SPAG16: variants seen among roughly 807,000 people sequenced by gnomAD.
SPAG16 encodes sperm-associated antigen 16 protein.
In SPAG16, 86 loss-of-function variants were observed where a neutral mutation model predicts 80.4. The observed-to-expected ratio is 1.07, with a 90% CI of 0.90 to 1.28. SPAG16 has a LOEUF of 1.28. Among genes scored for constraint, SPAG16 ranks in the 50% most tolerant of loss-of-function variants. The pLI is 0.00. For synonymous variants in SPAG16, 294 were observed against 265.9 expected (o/e 1.11, Z -1.03); for missense variants, 870 against 765.3 (o/e 1.14, Z -1.61).
chr2:213,942,908 G>A (rs2079270511), intron 12 of SPAG16, among the ~76,000 whole-genome samples: 1 of 152,122 alleles, frequency 6.6e-6, no homozygotes, highest in Non-Finnish European at 1.5e-5. Context: ...TGAGGCCTTT[G>A]GGAATTAATT....
At chr2:213,451,122 A>G (rs1188180204) in intron 9 of SPAG16, among the ~76,000 whole-genome samples, 2 of 147,978 alleles carry the variant, frequency 1.4e-5, no homozygotes, top group Non-Finnish European at 2.9e-5. Flanking sequence ...TAGGTAAACA[A>G]TTATCCACAT....
chr2:213,878,732 C>T (rs958900059), intron 11 of SPAG16, among the ~76,000 whole-genome samples: 22 of 152,056 alleles, frequency 1.4e-4, no homozygotes, highest in African/African-American at 5.1e-4. Flanking sequence ...TTTGCCTAAA[C>T]CACCATCCAG....
chr2:213,586,127 A>G (rs1459990540), intron 10 of SPAG16, among the ~76,000 whole-genome samples: 2 of 152,212 alleles, frequency 1.3e-5, no homozygotes, highest in East Asian at 1.9e-4. Context: ...TCTTACCCCT[A>G]GAATAGTTTT....
intron 15 of SPAG16, among the ~76,000 whole-genome samples, chr2:214,225,077 A>G (rs1430225439): frequency 6.6e-6 from 1 of 152,202 alleles, no homozygotes; most frequent in Non-Finnish European, 1.5e-5. Context: ...CATATAGAAG[A>G]GAGCAGCAAG....
At chr2:214,345,921 C>A (rs1002135118) in intron 15 of SPAG16, among the ~76,000 whole-genome samples, 3 of 152,116 alleles carry the variant, frequency 2.0e-5, no homozygotes, top group African/African-American at 7.2e-5. Context: ...ATGCAGGATA[C>A]CATTATAAGA....
intron 15 of SPAG16, among the ~76,000 whole-genome samples, chr2:214,273,749 T>G (rs1023506926): frequency 2.0e-5 from 3 of 152,192 alleles, no homozygotes; most frequent in African/African-American, 7.2e-5. Flanking sequence ...AGCTTTGTTC[T>G]TTTTGCTTAG....
At chr2:214,237,014 C>T (rs1689127701) in intron 15 of SPAG16, among the ~76,000 whole-genome samples, 1 of 152,072 alleles carries the variant, frequency 6.6e-6, no homozygotes, top group African/African-American at 2.4e-5. Flanking sequence ...TAATTGTGAT[C>T]CTTAGACCTT....
chr2:213,519,074 G>T (rs768053251), intron 10 of SPAG16, among the ~76,000 whole-genome samples: 1 of 152,116 alleles, frequency 6.6e-6, no homozygotes, highest in East Asian at 1.9e-4. Context: ...CTACCGGTGG[G>T]GGGTTAGGTC....
chr2:213,875,953 G>A (rs1392496138), intron 11 of SPAG16, among the ~76,000 whole-genome samples: 1 of 93,002 alleles, frequency 1.1e-5, no homozygotes, highest in Non-Finnish European at 2.9e-5. Flanking sequence ...TTGGGAAGCT[G>A]TGACATCTCA....
At chr2:213,659,733 TAA>T (rs909714787) in intron 10 of SPAG16, among the ~76,000 whole-genome samples, 48 of 152,196 alleles carry the variant, frequency 3.2e-4, no homozygotes, top group African/African-American at 9.4e-4. Context: ...GTAACCATAT[TAA>T]GTCAGTATTT....
At chr2:213,705,565 C>T (rs887370235) in intron 10 of SPAG16, among the ~76,000 whole-genome samples, 2 of 152,012 alleles carry the variant, frequency 1.3e-5, no homozygotes, top group African/African-American at 4.8e-5. Flanking sequence ...TTTGGAATGA[C>T]TTTGGTTTGG....
intron 13 of SPAG16, among the ~76,000 whole-genome samples, chr2:214,087,577 G>T (rs914769878): frequency 2.0e-5 from 3 of 151,958 alleles, no homozygotes; most frequent in African/African-American, 7.2e-5. Flanking sequence ...GAGGTGGGAA[G>T]AAATTGAGAA....
At chr2:214,158,572 C>T (rs1266264454) in intron 15 of SPAG16, among the ~76,000 whole-genome samples, 1 of 151,990 alleles carries the variant, frequency 6.6e-6, no homozygotes, top group Non-Finnish European at 1.5e-5. Flanking sequence ...GAACCTGACT[C>T]ATTCTGATTA....
rs1045988177 is a variant in SPAG16, at chr2:213,871,838, TCA to T, written c.1214+9251_1214+9252del. Among the ~76,000 whole-genome samples the T allele has an allele frequency of 1.1e-3, 109 of 101,966 alleles. 1 individual carries two copies. Among genetic ancestry groups the T allele is most frequent in the African/African-American group, 2.3e-3 (69 of 29,590 alleles). The allele number at this position is 101,966 out of a possible 152,430, so 66.9% of individuals were successfully genotyped here. A position where few individuals can be genotyped will look rare whatever the true frequency, so the allele number is the denominator to read the frequency against. On this transcript the variant is annotated intron_variant, in intron 11 of 15. Coordinates refer to ENST00000331683, the MANE Select transcript of SPAG16 (RefSeq NM_024532.5). Reference sequence around the variant, plus strand: ...ACTTTACTGAATTACCTCAGGAAATTCACACACACACACACACACACACACAC... The same window carrying T: ...ACTTTACTGAATTACCTCAGGAAATTCACACACACACACACACACACACAC...
At chr2:213,758,018 A>G (rs1447991537) in intron 10 of SPAG16, 2 of 152,058 alleles carry the variant, frequency 1.3e-5, no homozygotes, top group Non-Finnish European at 2.9e-5. Flanking sequence ...AAAGTAGGGC[A>G]TTCAAAGTAA....
At chr2:213,705,091 A>T (rs965107000) in intron 10 of SPAG16, among the ~76,000 whole-genome samples, 1 of 152,000 alleles carries the variant, frequency 6.6e-6, no homozygotes, top group East Asian at 1.9e-4. Flanking sequence ...TCCCTACTAA[A>T]AAAAAACAAA....
At chr2:213,808,532 CT>C (rs2071916808) in intron 10 of SPAG16, among the ~76,000 whole-genome samples, 1 of 152,068 alleles carries the variant, frequency 6.6e-6, no homozygotes, top group South Asian at 2.1e-4. Flanking sequence ...TATGTGACTA[CT>C]TTGGCTGTTG....
chr2:213,420,723 A>C (rs1259089290), intron 9 of SPAG16, among the ~76,000 whole-genome samples: 1 of 152,224 alleles, frequency 6.6e-6, no homozygotes, highest in Non-Finnish European at 1.5e-5. Context: ...GAAGCAATAC[A>C]TATTTGCTAT....
chr2:214,093,688 G>A lies in SPAG16; in HGVS notation c.1528-14508G>A, dbSNP rs538745356. ...AAAACATTTTGTAGTTGTTAAGAGA[G>A]TATAGCTATTAACTTAATGCTCTAG... On this transcript the variant is annotated intron_variant, in intron 13 of 15. Coordinates refer to ENST00000331683, the MANE Select transcript of SPAG16 (RefSeq NM_024532.5). 7.5e-4 allele frequency among the ~76,000 whole-genome samples: 114 copies of A among 152,088 alleles called. No individual in the cohort carries two copies. In the South Asian group the frequency reaches 0.018, roughly 24 times the overall value.
Sources: allele counts gnomAD v4.1 joint callset (sites outside exome capture counted in the v4.1 genomes callset), GRCh38; gene constraint gnomAD v4.1.1; transcripts MANE v1.5; gene names NCBI Gene and HGNC (gene_info 2026-07-23, HGNC 2026-07-21).